MCF2L2: variants seen among roughly 807,000 people sequenced by gnomAD.
The protein encoded by MCF2L2 is probable guanine nucleotide exchange factor MCF2L2.
A neutral mutation model predicts 150.2 loss-of-function variants in MCF2L2; 102 were observed. The observed-to-expected ratio is 0.68, with a 90% confidence interval of 0.58 to 0.80. The LOEUF is 0.80. Ranked by LOEUF, MCF2L2 falls within the 30% of genes least tolerant of loss-of-function variation. The pLI is 0.00. For synonymous variants in MCF2L2, 465 were observed against 491.3 expected (o/e 0.95, Z 0.71); for missense variants, 1,256 against 1,372.8 (o/e 0.91, Z 1.34).
intron 1 of MCF2L2, 65 bp from the exon 2 acceptor site, chr3:183,389,844 G>T (rs1433261479): frequency 7.5e-7 from 1 of 1,325,140 alleles, no homozygotes; most frequent in African/African-American, 1.4e-5. Context: ...AAATTAAAAA[G>T]AAACAAAGGC....
intron 25 of MCF2L2, among the ~76,000 whole-genome samples, chr3:183,199,749 T>A (rs916984909): frequency 1.3e-5 from 2 of 151,478 alleles, no homozygotes; most frequent in Admixed American, 1.3e-4. Flanking sequence ...ATTATGTATA[T>A]CCCCTAATGC....
At chr3:183,351,227 TATA>T (rs1560035014) in intron 3 of MCF2L2, among the ~76,000 whole-genome samples, 21 of 95,348 alleles carry the variant, frequency 2.2e-4, no homozygotes, top group African/African-American at 3.8e-4. Context: ...TATATATATA[TATA>T]TATATATTTA....
intron 3 of MCF2L2, among the ~76,000 whole-genome samples, chr3:183,348,679 A>G (rs1445694758): frequency 6.6e-6 from 1 of 152,202 alleles, no homozygotes; most frequent in Admixed American, 6.5e-5. Context: ...AGGGTAGTAA[A>G]ACATACACCA....
At chr3:183,207,385 G>A (rs1333863508) in intron 23 of MCF2L2, among the ~76,000 whole-genome samples, 2 of 152,158 alleles carry the variant, frequency 1.3e-5, no homozygotes, top group Non-Finnish European at 2.9e-5. Flanking sequence ...CTGCCATATA[G>A]TCTTTTTTCT....
intron 1 of MCF2L2, among the ~76,000 whole-genome samples, chr3:183,412,073 TAACAAC>T (rs903519076): frequency 4.6e-5 from 7 of 152,124 alleles, no homozygotes; most frequent in Non-Finnish European, 8.8e-5. Flanking sequence ...AGTACTACCC[TAACAAC>T]AACAACAACA....
rs1270078788 is a variant in MCF2L2, at chr3:183,181,797, C to T, written c.3017-1638G>A. Among the ~76,000 whole-genome samples the T allele has an allele frequency of 2.0e-5, 3 of 152,270 alleles. No homozygotes were observed. In the East Asian group the frequency reaches 5.8e-4, roughly 29 times the overall value. On this transcript the variant is annotated intron_variant, in intron 27 of 29. Transcript: ENST00000328913. The surrounding 1 kb of genome is among the most constrained non-coding windows in gnomAD (Gnocchi z 4.3). ...GACCATAGAGCCACCCACTGGGAGGCTGGCGGTTGGGCCTGGCTCAGGAGC... is the reference window on the plus strand; with the variant it reads ...GACCATAGAGCCACCCACTGGGAGGTTGGCGGTTGGGCCTGGCTCAGGAGC...
intron 17 of MCF2L2, 45 bp from the exon 18 acceptor site, chr3:183,228,411 A>C (rs765502787): frequency 4.5e-6 from 6 of 1,343,590 alleles, no homozygotes; most frequent in Non-Finnish European, 6.4e-6. Context: ...TGATTTTGAC[A>C]TGTAGGTAAT....
At chr3:183,286,387 C>T (rs901327015) in intron 14 of MCF2L2, among the ~76,000 whole-genome samples, 1 of 152,090 alleles carries the variant, frequency 6.6e-6, no homozygotes, top group Admixed American at 6.6e-5. Flanking sequence ...ATGTCAGAAT[C>T]GCCACCCAGA....
chr3:183,390,149 A>G (rs138044559), intron 1 of MCF2L2, among the ~76,000 whole-genome samples: 226 of 152,334 alleles, frequency 1.5e-3, no homozygotes, highest in African/African-American at 5.0e-3. Flanking sequence ...GACATTTTAA[A>G]CACAAACAAC....
intron 15 of MCF2L2, among the ~76,000 whole-genome samples, chr3:183,240,051 G>T (rs1473310333): frequency 6.6e-6 from 1 of 152,076 alleles, no homozygotes; most frequent in East Asian, 1.9e-4. Flanking sequence ...TGTCACCCAG[G>T]CTCCTTATAT....
At chr3:183,322,896 G>C (rs570945533) in intron 6 of MCF2L2, among the ~76,000 whole-genome samples, 119 of 152,244 alleles carry the variant, frequency 7.8e-4, no homozygotes, top group African/African-American at 2.7e-3. Flanking sequence ...GAGTTCTGTG[G>C]TGTGTTAATG....
chr3:183,302,658 A>T (rs1355585973), intron 10 of MCF2L2, among the ~76,000 whole-genome samples: 2 of 152,022 alleles, frequency 1.3e-5, no homozygotes, highest in Non-Finnish European at 2.9e-5. Flanking sequence ...CAGCCGAGAG[A>T]TACGGCTTAC....
At chr3:183,382,077 T>C (rs1713561411) in intron 2 of MCF2L2, among the ~76,000 whole-genome samples, 1 of 151,744 alleles carries the variant, frequency 6.6e-6, no homozygotes, top group African/African-American at 2.4e-5. Context: ...TTATTATTAT[T>C]AGATGGAATC....
At chr3:183,288,062 A>G (rs1727895634) in intron 14 of MCF2L2, among the ~76,000 whole-genome samples, 1 of 152,224 alleles carries the variant, frequency 6.6e-6, no homozygotes, top group Non-Finnish European at 1.5e-5. Flanking sequence ...TATATTCACA[A>G]TTCACAATTA....
intron 1 of MCF2L2, among the ~76,000 whole-genome samples, chr3:183,417,256 G>A (rs1053249259): frequency 2.0e-5 from 3 of 151,986 alleles, no homozygotes; most frequent in Admixed American, 2.0e-4. Context: ...AACACTGGGG[G>A]GTACTGGAAC....
chr3:183,186,159 A>C (rs1450249072), intron 27 of MCF2L2, among the ~76,000 whole-genome samples: 2 of 152,208 alleles, frequency 1.3e-5, no homozygotes, highest in African/African-American at 4.8e-5. Context: ...GGTTCAGTCA[A>C]AGCCTTGCCC....
intron 15 of MCF2L2, among the ~76,000 whole-genome samples, chr3:183,240,537 T>G (rs1723973848): frequency 2.0e-5 from 3 of 152,120 alleles, no homozygotes; most frequent in Non-Finnish European, 4.4e-5. Context: ...TCCATTTTTA[T>G]CCTGTCTTCA....
chr3:183,198,519 C>G (rs950745227), intron 25 of MCF2L2, among the ~76,000 whole-genome samples: 1 of 152,078 alleles, frequency 6.6e-6, no homozygotes, highest in Non-Finnish European at 1.5e-5. Context: ...TGTGGTGATG[C>G]CTTACAGATG....
chr3:183,355,451 C>CTTT (rs1168575988), intron 3 of MCF2L2, among the ~76,000 whole-genome samples: 62 of 141,344 alleles, frequency 4.4e-4, no homozygotes, highest in African/African-American at 1.5e-3. Flanking sequence ...AATTCCTTTC[C>CTTT]TTTTTTTTTT....
Sources: allele counts gnomAD v4.1 joint callset (sites outside exome capture counted in the v4.1 genomes callset), GRCh38; gene constraint gnomAD v4.1.1; non-coding constraint Gnocchi (gnomAD v3.1); transcripts MANE v1.5; gene names NCBI Gene and HGNC (gene_info 2026-07-23, HGNC 2026-07-21).